SYNJ2: variants seen among roughly 807,000 people sequenced by gnomAD.
The protein encoded by SYNJ2 is synaptojanin 2.
A neutral mutation model predicts 141.3 loss-of-function variants in SYNJ2; 116 were observed. The ratio of observed to expected loss-of-function variants is 0.82; its 90% confidence interval spans 0.71 to 0.96. The LOEUF (loss-of-function observed/expected upper bound fraction) is 0.96. SYNJ2 is among the 40% of genes least tolerant of loss of function. The pLI is 0.00. For synonymous variants in SYNJ2, 745 were observed against 777.7 expected (o/e 0.96, Z 0.70); for missense variants, 1,873 against 1,934.8 (o/e 0.97, Z 0.60).
intron 1 of SYNJ2, among the ~76,000 whole-genome samples, chr6:157,990,055 C>T (rs1340474470): frequency 1.3e-5 from 2 of 152,252 alleles, no homozygotes; most frequent in Admixed American, 6.5e-5. Flanking sequence ...GCTGCGCCGT[C>T]TGTGCCCTTG....
chr6:158,083,458 G>A lies in SYNJ2; in HGVS notation c.2895G>A (p.Pro965=), dbSNP rs774509806. 23 of 1,614,160 alleles carry A rather than the reference G, an allele frequency of 1.4e-5. No homozygotes were observed. The highest frequency in any genetic ancestry group is 4.5e-5 in the East Asian group (2 of 44,880). Residue 965 remains proline, a synonymous_variant, in exon 21 of 27, where the codon CCG becomes CCA. Transcript: ENST00000355585. The stretch of plus-strand genomic sequence containing the variant: ...AAGGCAGAGCAGTGAAGATTAGACC[G>A]AAGACCAAGGACTGGCTGAAAGGTT... ...KVKGRAVKIR[P]KTKDWLKGLR...
chr6:158,069,701 G>C (rs1381376262), intron 14 of SYNJ2, 28 bp downstream of exon 14: 3 of 1,573,180 alleles, frequency 1.9e-6, no homozygotes, highest in Non-Finnish European at 2.6e-6. Context: ...ACACACATCT[G>C]GGGAACAAGG....
intron 8 of SYNJ2, among the ~76,000 whole-genome samples, chr6:158,062,941 G>A (rs951576410): frequency 3.9e-5 from 6 of 152,094 alleles, no homozygotes; most frequent in Non-Finnish European, 1.5e-5. Context: ...ACAAGAAGGT[G>A]GTGATGTGCT....
rs1026494453 is a variant in SYNJ2, at chr6:157,998,547, C to T, written c.127+16459C>T. 7.9e-5 allele frequency among the ~76,000 whole-genome samples: 12 copies of T among 152,212 alleles called. No individual in the cohort carries two copies. The East Asian group carries it at 2.3e-3, about 29-fold the overall frequency. On this transcript the variant is annotated intron_variant, in intron 1 of 26. Coordinates refer to ENST00000355585, the MANE Select transcript of SYNJ2 (RefSeq NM_003898.4). ...AGAAGGGAAGAAAGATTTTGCTAAG[C>T]CTGTGACCAAAACTATCCATATGGA...
chr6:157,985,529 C>G (rs1049599280), intron 1 of SYNJ2, among the ~76,000 whole-genome samples: 1 of 152,224 alleles, frequency 6.6e-6, no homozygotes, highest in Non-Finnish European at 1.5e-5. Flanking sequence ...TAGCCGGTAC[C>G]AGCATCCCTG....
chr6:158,036,108 G>T (rs1198538158), intron 4 of SYNJ2, among the ~76,000 whole-genome samples: 2 of 152,156 alleles, frequency 1.3e-5, no homozygotes, highest in South Asian at 4.1e-4. Flanking sequence ...GCCACAATGA[G>T]CTACCCCCTC....
intron 2 of SYNJ2, among the ~76,000 whole-genome samples, chr6:158,024,446 C>T (rs1385296362): frequency 6.6e-6 from 1 of 152,140 alleles, no homozygotes; most frequent in Non-Finnish European, 1.5e-5. Context: ...CCAGAGACCC[C>T]ACCTCCTAAA....
intron 25 of SYNJ2, among the ~76,000 whole-genome samples, chr6:158,090,323 A>C (rs184535686): frequency 6.6e-6 from 1 of 152,318 alleles, no homozygotes; most frequent in African/African-American, 2.4e-5. Flanking sequence ...TCTACCTTTT[A>C]AATCACTGGC....
At position 158,095,699 on chromosome 6, in the gene SYNJ2, C is replaced by T; in HGVS notation, c.3826C>T (p.Pro1276Ser). The stretch of plus-strand genomic sequence containing the variant: ...CCCGGAGACAAGCGTTGAGGCCCCT[C>T]CTGTCGTGACAGCCCCTCGAGTCCC... ...GPPETSVEAP[P>S]VVTAPRVPPV... Residue 1276 changes from proline to serine, a missense_variant, in exon 27 of 27, where the codon CCT (proline) becomes TCT (serine). Transcript: ENST00000355585. 1 of 1,614,198 alleles carries T rather than the reference C, an allele frequency of 6.2e-7. No homozygotes were observed. Among genetic ancestry groups the T allele is most frequent in the Non-Finnish European group, 8.5e-7 (1 of 1,180,038 alleles).
chr6:158,061,701 C>G (rs1312550887), intron 7 of SYNJ2, among the ~76,000 whole-genome samples: 1 of 152,182 alleles, frequency 6.6e-6, no homozygotes, highest in Non-Finnish European at 1.5e-5. Flanking sequence ...GAGAGCCCTG[C>G]AGGAGTATGA....
At chr6:158,005,700 GT>G in intron 1 of SYNJ2, among the ~76,000 whole-genome samples, 1 of 152,072 alleles carries the variant, frequency 6.6e-6, no homozygotes, top group African/African-American at 2.4e-5. Flanking sequence ...TCTGTGCTCT[GT>G]CCACTCCCCC....
intron 1 of SYNJ2, among the ~76,000 whole-genome samples, chr6:157,986,570 A>G (rs1416252577): frequency 6.6e-6 from 1 of 152,138 alleles, no homozygotes; most frequent in African/African-American, 2.4e-5. Flanking sequence ...CTGGCCCCAA[A>G]TGATCCGCCC....
At chr6:158,041,495 G>A (rs750670367) in intron 4 of SYNJ2, among the ~76,000 whole-genome samples, 6 of 152,214 alleles carry the variant, frequency 3.9e-5, no homozygotes, top group Admixed American at 2.6e-4. Context: ...GGAGGACGGG[G>A]TGGAGAACTT....
At chr6:158,091,751 TAAAA>T (rs35408343) in intron 25 of SYNJ2, among the ~76,000 whole-genome samples, 3 of 101,024 alleles carry the variant, frequency 3.0e-5, no homozygotes, top group Non-Finnish European at 2.0e-5. Context: ...CTCTGTCTCA[TAAAA>T]AAAAAAAAAA....
intron 5 of SYNJ2, among the ~76,000 whole-genome samples, chr6:158,048,887 A>T (rs754092417): frequency 6.6e-6 from 1 of 152,178 alleles, no homozygotes; most frequent in Non-Finnish European, 1.5e-5. Context: ...TCCAGCACAC[A>T]CTGGACACTG....
chr6:158,096,336 A>G lies in SYNJ2; in HGVS notation c.4463A>G (p.Gln1488Arg), dbSNP rs1274137855. 3 of 1,611,042 alleles carry G rather than the reference A, an allele frequency of 1.9e-6. No homozygotes were observed. Residue 1488 changes from glutamine (Q) to arginine (R), a missense_variant, in exon 27 of 27, where the codon CAG (glutamine) becomes CGG (arginine). By Grantham distance (43) the Gln-to-Arg change is conservative. Transcript: ENST00000355585. Reference protein sequence around the residue: ...ISDQEKRTALQVFDPLAKT With the variant: ...ISDQEKRTALRVFDPLAKT ...GACCAAGAAAAGAGGACAGCACTGC[A>G]GGTGTTTGACCCACTGGCAAAAACA...
At chr6:158,061,191 T>G (rs1159231446) in intron 7 of SYNJ2, among the ~76,000 whole-genome samples, 1 of 152,220 alleles carries the variant, frequency 6.6e-6, no homozygotes, top group Non-Finnish European at 1.5e-5. Context: ...TCCAAGTCAC[T>G]AGGACCTCTG....
intron 5 of SYNJ2, among the ~76,000 whole-genome samples, chr6:158,049,829 G>A (rs540491914): frequency 9.9e-5 from 15 of 150,932 alleles, no homozygotes; most frequent in African/African-American, 3.2e-4. Flanking sequence ...TGCAGGTGTC[G>A]ACATGCCTCT....
intron 21 of SYNJ2, 126 bp downstream of exon 21, chr6:158,083,723 T>G: frequency 8.0e-7 from 1 of 1,253,802 alleles, no homozygotes; most frequent in Non-Finnish European, 1.1e-6. Context: ...AAGCCCTCTG[T>G]CCCATGTGAT....
Sources: allele counts gnomAD v4.1 joint callset (sites outside exome capture counted in the v4.1 genomes callset), GRCh38; gene constraint gnomAD v4.1.1; transcripts MANE v1.5; gene names NCBI Gene and HGNC (gene_info 2026-07-23, HGNC 2026-07-21).